Variants in RGS6 observed in about 807,000 individuals in gnomAD.
RGS6 encodes regulator of G-protein signaling 6.
A neutral mutation model predicts 78.5 loss-of-function variants in RGS6; 30 were observed. The observed-to-expected ratio is 0.38, with a 90% CI of 0.29 to 0.52. The LOEUF (loss-of-function observed/expected upper bound fraction) is 0.52. RGS6 is among the 20% of genes least tolerant of loss of function. The pLI is 0.85. For missense variants in RGS6, 495 were observed against 609.7 expected, an observed-to-expected ratio of 0.81 and a Z score of 1.98; for synonymous variants, 206 against 206.0, an observed-to-expected ratio of 1.00 and a Z score of 0.00.
chr14:72,356,099 A>T (rs187031960), intron 3 of RGS6, among the ~76,000 whole-genome samples: 1 of 152,320 alleles, frequency 6.6e-6, no homozygotes, highest in East Asian at 1.9e-4. Context: ...GGTGCCAGAT[A>T]GGAGGCTATT....
the RGS6 span, among the ~76,000 whole-genome samples, chr14:71,901,637 C>T: frequency 4.6e-5 from 7 of 152,114 alleles, no homozygotes; most frequent in Non-Finnish European, 8.8e-5. Context: ...CCAGGCCAGT[C>T]ATAAGGTGAG....
intron 3 of RGS6, among the ~76,000 whole-genome samples, chr14:72,374,817 A>G (rs1420286395): frequency 6.6e-6 from 1 of 152,252 alleles, no homozygotes; most frequent in Non-Finnish European, 1.5e-5. Context: ...AACTATCTGC[A>G]GTTCCATATG....
chr14:72,572,936 G>A, the RGS6 span, among the ~76,000 whole-genome samples: 1 of 151,964 alleles, frequency 6.6e-6, no homozygotes, highest in South Asian at 2.1e-4. Context: ...AAGAGAGGGA[G>A]GGAAGGAGAG....
chr14:72,365,646 A>G (rs1310070676), intron 3 of RGS6, among the ~76,000 whole-genome samples: 3 of 152,248 alleles, frequency 2.0e-5, no homozygotes, highest in African/African-American at 7.2e-5. Context: ...TGCTGAAAGC[A>G]AAACCTTTTC....
intron 3 of RGS6, among the ~76,000 whole-genome samples, chr14:72,408,199 T>G (rs2093102495): frequency 6.6e-6 from 1 of 152,230 alleles, no homozygotes; most frequent in South Asian, 2.1e-4. Flanking sequence ...AAGACTGACT[T>G]GCACTCAGCA....
chr14:72,399,175 T>C (rs921924906), intron 3 of RGS6, among the ~76,000 whole-genome samples: 1 of 141,232 alleles, frequency 7.1e-6, no homozygotes, highest in Non-Finnish European at 1.5e-5. Context: ...CAAGTCTCTT[T>C]GTAGGTCACT....
chr14:72,350,705 C>T (rs1016497382), intron 2 of RGS6, among the ~76,000 whole-genome samples: 16 of 152,168 alleles, frequency 1.1e-4, no homozygotes, highest in Admixed American at 9.2e-4. Context: ...GAGAAATAAC[C>T]TTTGTGCTAA....
At chr14:72,074,555 A>T (rs2094512822) in intron 2 of RGS6, among the ~76,000 whole-genome samples, 2 of 152,162 alleles carry the variant, frequency 1.3e-5, no homozygotes, top group Non-Finnish European at 2.9e-5. Context: ...CACACATACC[A>T]TTATTGTTGA....
At chr14:72,065,794 T>G (rs1234269317) in intron 2 of RGS6, among the ~76,000 whole-genome samples, 2 of 152,002 alleles carry the variant, frequency 1.3e-5, no homozygotes, top group Non-Finnish European at 2.9e-5. Flanking sequence ...TATTATACTT[T>G]AAGTTTTAGG....
intron 2 of RGS6, among the ~76,000 whole-genome samples, chr14:72,045,480 CCT>C (rs1347891452): frequency 1.3e-5 from 2 of 152,068 alleles, no homozygotes; most frequent in Non-Finnish European, 2.9e-5. Context: ...TTCAGTCTCC[CCT>C]GTTGTCTTTG....
At chr14:72,201,053 A>G (rs967250697) in intron 2 of RGS6, among the ~76,000 whole-genome samples, 4 of 151,758 alleles carry the variant, frequency 2.6e-5, no homozygotes, top group African/African-American at 9.7e-5. Flanking sequence ...CTGAGTTGGC[A>G]TTGCTCACCC....
downstream of RGS6, among the ~76,000 whole-genome samples, chr14:72,568,417 C>T (rs535586489): frequency 6.0e-4 from 91 of 152,300 alleles, 1 homozygote; most frequent in Middle Eastern, 6.8e-3. Context: ...CCCTGCCAGA[C>T]GGACAACTTC....
chr14:72,454,931 T>A (rs765479031), intron 4 of RGS6, among the ~76,000 whole-genome samples: 2 of 152,214 alleles, frequency 1.3e-5, no homozygotes, highest in Non-Finnish European at 2.9e-5. Context: ...GATTGCCTGA[T>A]CCACAATTAA....
the RGS6 span, among the ~76,000 whole-genome samples, chr14:71,871,976 A>AG: frequency 8.2e-6 from 1 of 121,680 alleles, no homozygotes; most frequent in East Asian, 2.7e-4. Flanking sequence ...ATGGGGGTGG[A>AG]GGGGGTGGTG....
chr14:72,026,623 T>C (rs1567047107), intron 2 of RGS6, among the ~76,000 whole-genome samples: 2 of 152,196 alleles, frequency 1.3e-5, no homozygotes, highest in African/African-American at 4.8e-5. Flanking sequence ...ACCCACGTGC[T>C]GTCAACCCAC....
intron 2 of RGS6, among the ~76,000 whole-genome samples, chr14:72,069,049 G>A (rs959516130): frequency 3.3e-5 from 5 of 151,690 alleles, no homozygotes; most frequent in African/African-American, 1.2e-4. Flanking sequence ...TTGGCTCACT[G>A]CAACCTCTGG....
At chr14:71,948,745 T>C (rs1014062120) in intron 1 of RGS6, among the ~76,000 whole-genome samples, 23 of 127,794 alleles carry the variant, frequency 1.8e-4, no homozygotes, top group Admixed American at 7.0e-4. Flanking sequence ...TCTCTCTTTT[T>C]TTTTTTTTTT....
At chr14:72,125,975 T>A (rs1444595783) in intron 2 of RGS6, among the ~76,000 whole-genome samples, 1 of 152,018 alleles carries the variant, frequency 6.6e-6, no homozygotes, top group Non-Finnish European at 1.5e-5. Context: ...CTAGTGAGAG[T>A]TTAGATACTT....
At chr14:72,299,675 A>G (rs1270687215) in intron 2 of RGS6, among the ~76,000 whole-genome samples, 1 of 152,122 alleles carries the variant, frequency 6.6e-6, no homozygotes, top group African/African-American at 2.4e-5. Flanking sequence ...CAGCCATCCT[A>G]GTGGGTGTGA....
Sources: gnomAD v4.1 joint callset for allele counts (sites outside exome capture counted in the v4.1 genomes callset) on GRCh38, gnomAD v4.1.1 for gene constraint, MANE v1.5 for transcripts, NCBI Gene and HGNC (gene_info 2026-07-23, HGNC 2026-07-21) for gene names.